PDZRN3: variants seen among roughly 807,000 people sequenced by gnomAD.
PDZRN3 encodes E3 ubiquitin-protein ligase PDZRN3.
In PDZRN3, 38 loss-of-function variants were observed where a neutral mutation model predicts 85.7. The ratio of observed to expected loss-of-function variants is 0.44; its 90% CI spans 0.34 to 0.58. The LOEUF (loss-of-function observed/expected upper bound fraction) is 0.58. Ranked by LOEUF, PDZRN3 falls within the 20% of genes least tolerant of loss-of-function variation. The pLI, the probability that PDZRN3 is intolerant of heterozygous loss-of-function variation, is 0.01. For synonymous variants in PDZRN3, 759 were observed against 638.0 expected, an observed-to-expected ratio of 1.19 and a Z score of -2.86; for missense variants, 1,629 against 1,506.4, an observed-to-expected ratio of 1.08 and a Z score of -1.35.
chr3:73,491,656 T>C (rs1369317530), intron 3 of PDZRN3, among the ~76,000 whole-genome samples: 1 of 148,942 alleles, frequency 6.7e-6, no homozygotes, highest in African/African-American at 2.5e-5. Context: ...TGGAGTGCAG[T>C]GACACAATCA....
At chr3:73,580,696 T>C (rs1401223369) in intron 3 of PDZRN3, among the ~76,000 whole-genome samples, 5 of 152,218 alleles carry the variant, frequency 3.3e-5, no homozygotes, top group African/African-American at 1.2e-4. Context: ...GTTTCACCTG[T>C]GAGGCAATTT....
intron 3 of PDZRN3, among the ~76,000 whole-genome samples, chr3:73,527,169 G>A (rs976978015): frequency 6.6e-6 from 1 of 152,090 alleles, no homozygotes; most frequent in African/African-American, 2.4e-5. Flanking sequence ...TGTGAAATGG[G>A]GACAATATAA....
At chr3:73,439,002 C>G in intron 3 of PDZRN3, among the ~76,000 whole-genome samples, 1 of 152,204 alleles carries the variant, frequency 6.6e-6, no homozygotes, top group South Asian at 2.1e-4. Context: ...CAGGGTGCCC[C>G]TTAAGTCTCA....
At position 73,383,282 on chromosome 3, in the gene PDZRN3, A is replaced by C; in HGVS notation, c.*83T>G. On this transcript the variant is annotated 3_prime_UTR_variant, in exon 10 of 10. Transcript: ENST00000263666. ...TGAAGACCGTACTTATCTTATATACAAAAACTTGCCGCATTGAACGAGGCA... is the reference window on the plus strand; with the variant it reads ...TGAAGACCGTACTTATCTTATATACCAAAACTTGCCGCATTGAACGAGGCA... The C allele has an allele frequency of 3.0e-6, 4 of 1,339,908 alleles. No homozygotes were observed. The Admixed American group carries it at 8.9e-5, about 30-fold the overall frequency. 83.0% of individuals were successfully genotyped at this position (1,339,908 alleles called of 1,614,324 possible).
Position 73,384,359 on chromosome 3 carries a change from C to G in PDZRN3, c.2207G>C (p.Arg736Pro), listed in dbSNP as rs557175032. ...FRNYNTSIDV[R>P]RHELSDITEL... ...GGTGATATCTGAGAGCTCGTGTCTGCGCACGTCGATGCTGGTGTTGTAGTT... is the reference window on the plus strand; with the variant it reads ...GGTGATATCTGAGAGCTCGTGTCTGGGCACGTCGATGCTGGTGTTGTAGTT... Residue 736 changes from arginine to proline, a missense_variant, in exon 10 of 10, where the codon CGC becomes CCC. Physicochemically the swap from Arg to Pro is moderately radical, Grantham distance 103. Coordinates refer to ENST00000263666, the MANE Select transcript of PDZRN3 (RefSeq NM_015009.3). 6.2e-7 allele frequency: 1 copy of G among 1,609,578 alleles called. No homozygotes were observed. Among genetic ancestry groups the G allele is most frequent in the Admixed American group, 1.7e-5 (1 of 60,022 alleles).
At chr3:73,450,295 A>G (rs1702833000) in intron 3 of PDZRN3, among the ~76,000 whole-genome samples, 2 of 152,220 alleles carry the variant, frequency 1.3e-5, no homozygotes, top group South Asian at 4.1e-4. Context: ...TATAGAGCGT[A>G]CTAAACATTC....
intron 3 of PDZRN3, among the ~76,000 whole-genome samples, chr3:73,537,055 G>A (rs1353918779): frequency 6.6e-6 from 1 of 152,182 alleles, no homozygotes; most frequent in African/African-American, 2.4e-5. Context: ...AATGCTCACT[G>A]ATGCTGCTCT....
At position 73,412,630 on chromosome 3, in the gene PDZRN3, C is replaced by G. The variant is rs577816621; in HGVS notation, c.919-8235G>C. 8.7e-4 allele frequency among the ~76,000 whole-genome samples: 133 copies of G among 152,294 alleles called. 1 individual carries two copies. The South Asian group carries it at 0.011, about 13-fold the overall frequency. On this transcript the variant is annotated intron_variant, in intron 3 of 9. Transcript: ENST00000263666. The stretch of plus-strand genomic sequence containing the variant: ...CCTGGGGTTCAAGTAGGCTGTAGCA[C>G]TTGTGAGCTGTGCTATCTTGAGCAG...
intron 3 of PDZRN3, among the ~76,000 whole-genome samples, chr3:73,553,506 G>A (rs1701614359): frequency 6.6e-6 from 1 of 151,844 alleles, no homozygotes; most frequent in Admixed American, 6.6e-5. Context: ...AACCCGGGAG[G>A]CAGAGGTTGC....
chr3:73,402,922 C>CAA (rs1488357108), intron 4 of PDZRN3, among the ~76,000 whole-genome samples: 15 of 148,476 alleles, frequency 1.0e-4, no homozygotes, highest in Non-Finnish European at 2.1e-4. Context: ...CTCAGATGTG[C>CAA]AAAGTCACAC....
At chr3:73,528,488 C>T (rs1320322708) in intron 3 of PDZRN3, among the ~76,000 whole-genome samples, 1 of 152,026 alleles carries the variant, frequency 6.6e-6, no homozygotes, top group East Asian at 1.9e-4. Flanking sequence ...AAGAGAGAGT[C>T]TTGGGGATAA....
chr3:73,469,733 T>C (rs1703296292), intron 3 of PDZRN3, among the ~76,000 whole-genome samples: 1 of 152,150 alleles, frequency 6.6e-6, no homozygotes, highest in Non-Finnish European at 1.5e-5. Context: ...TTAGAAAATA[T>C]TACTTCTGAT....
intron 3 of PDZRN3, among the ~76,000 whole-genome samples, chr3:73,467,638 A>G (rs1703247799): frequency 6.6e-6 from 1 of 152,210 alleles, no homozygotes; most frequent in Non-Finnish European, 1.5e-5. Flanking sequence ...CGCCTTGCTA[A>G]TATTTGCTAA....
intron 3 of PDZRN3, among the ~76,000 whole-genome samples, chr3:73,553,103 G>A (rs555587822): frequency 6.6e-6 from 1 of 152,318 alleles, no homozygotes; most frequent in African/African-American, 2.4e-5. Context: ...TTTTGAAAAT[G>A]TAAGACATTT....
At chr3:73,512,796 G>C (rs1704191742) in intron 3 of PDZRN3, among the ~76,000 whole-genome samples, 1 of 152,064 alleles carries the variant, frequency 6.6e-6, no homozygotes, top group Admixed American at 6.5e-5. Flanking sequence ...AACATGATGA[G>C]CCCTTTAAAA....
chr3:73,599,604 T>C lies in PDZRN3; in HGVS notation c.918+2750A>G, dbSNP rs560806294. On this transcript the variant is annotated intron_variant, in intron 3 of 9. Coordinates refer to ENST00000263666, the MANE Select transcript of PDZRN3 (RefSeq NM_015009.3). ...TGTTATGTATATTTTGCCACATGTA[T>C]GTCTTGCCATATATACATATACACA... is the stretch of plus-strand genomic sequence containing the variant. Among the ~76,000 whole-genome samples the C allele has an allele frequency of 2.0e-5, 3 of 152,384 alleles. No homozygotes were observed. In the East Asian group the frequency reaches 5.8e-4, roughly 29 times the overall value.
At chr3:73,453,939 T>C (rs1420528380) in intron 3 of PDZRN3, among the ~76,000 whole-genome samples, 2 of 152,206 alleles carry the variant, frequency 1.3e-5, no homozygotes, top group African/African-American at 4.8e-5. Context: ...ATAACCATTA[T>C]AAAAACCTCT....
chr3:73,472,638 T>C (rs1211100527), intron 3 of PDZRN3, among the ~76,000 whole-genome samples: 1 of 152,248 alleles, frequency 6.6e-6, no homozygotes, highest in African/African-American at 2.4e-5. Context: ...TGTTTTTCTG[T>C]GGCCAGGCAT....
chr3:73,568,557 T>C (rs4677301), intron 3 of PDZRN3, among the ~76,000 whole-genome samples: 131,246 of 152,214 alleles, frequency 0.86, 56,599 homozygotes, highest in Middle Eastern at 0.89. Flanking sequence ...ACTATAATGA[T>C]CAACACAAAT....
Sources: allele counts gnomAD v4.1 joint callset (sites outside exome capture counted in the v4.1 genomes callset), GRCh38; gene constraint gnomAD v4.1.1; transcripts MANE v1.5; gene names NCBI Gene and HGNC (gene_info 2026-07-23, HGNC 2026-07-21).